The following SLC9A9 variants were observed in gnomAD, a reference collection of about 807,000 sequenced individuals.
SLC9A9 encodes sodium/hydrogen exchanger 9.
Under a neutral mutation model 77.8 loss-of-function variants are expected in SLC9A9, and 62 were observed. The ratio of observed to expected loss-of-function variants is 0.80; its 90% confidence interval spans 0.65 to 0.98. The LOEUF (loss-of-function observed/expected upper bound fraction) is 0.98. Among genes scored for constraint, SLC9A9 ranks in the 50% least tolerant of loss-of-function variants. The probability of loss-of-function intolerance (pLI) is 0.00; values close to 1 mark genes in which losing one functional copy is unlikely to be tolerated. For missense variants in SLC9A9, 775 were observed against 774.9 expected (o/e 1.00, Z 0.00); for synonymous variants, 320 against 283.5 (o/e 1.13, Z -1.29).
At chr3:143,582,920 G>A (rs1168202386) in intron 6 of SLC9A9, among the ~76,000 whole-genome samples, 1 of 152,126 alleles carries the variant, frequency 6.6e-6, no homozygotes, top group East Asian at 1.9e-4. Flanking sequence ...GCCGAGGTGG[G>A]TGGATTTTGA....
At chr3:143,345,981 G>T (rs1184125511) in intron 14 of SLC9A9, among the ~76,000 whole-genome samples, 1 of 152,080 alleles carries the variant, frequency 6.6e-6, no homozygotes, top group African/African-American at 2.4e-5. Context: ...ATAGAAGGAG[G>T]AAAATAAATG....
intron 9 of SLC9A9, among the ~76,000 whole-genome samples, chr3:143,549,380 G>T (rs1224179252): frequency 3.3e-5 from 5 of 152,086 alleles, no homozygotes; most frequent in African/African-American, 1.2e-4. Flanking sequence ...CATAGGCTGT[G>T]TATGTACATA....
intron 4 of SLC9A9, among the ~76,000 whole-genome samples, chr3:143,772,351 A>G (rs983129407): frequency 6.6e-6 from 1 of 152,198 alleles, no homozygotes; most frequent in Non-Finnish European, 1.5e-5. Context: ...TACCCAGCAT[A>G]GTAAAGCATC....
Position 143,351,935 on chromosome 3 carries a change from A to AG in SLC9A9, c.1604+11548dup, listed in dbSNP as rs1280288515. On this transcript the variant is annotated intron_variant, in intron 14 of 15. Coordinates refer to ENST00000316549, the MANE Select transcript of SLC9A9 (RefSeq NM_173653.4). Reference sequence around the variant, plus strand: ...GGCCTGAGGACTTTAGACTAAGAAAAGGGGGAAAAAAAGGAAAAAAAGTTG... The same window carrying AG: ...GGCCTGAGGACTTTAGACTAAGAAAAGGGGGGAAAAAAAGGAAAAAAAGTTG... Among the ~76,000 whole-genome samples the AG allele has an allele frequency of 2.6e-5, 4 of 152,134 alleles. No individual in the cohort carries two copies. The East Asian group carries it at 5.8e-4, about 22-fold the overall frequency.
intron 14 of SLC9A9, among the ~76,000 whole-genome samples, chr3:143,363,133 C>T (rs16846337): frequency 0.037 from 5,678 of 152,260 alleles, 178 homozygotes; most frequent in East Asian, 0.17. Flanking sequence ...ACTGTTCATA[C>T]AATGCCCTCA....
At chr3:143,399,061 T>A (rs1181457157) in intron 12 of SLC9A9, among the ~76,000 whole-genome samples, 1 of 152,132 alleles carries the variant, frequency 6.6e-6, no homozygotes, top group Non-Finnish European at 1.5e-5. Flanking sequence ...ATTTCACTTC[T>A]ATTTTTACTT....
chr3:143,665,229 A>T lies in SLC9A9; in HGVS notation c.650-12869T>A, dbSNP rs75081254. On this transcript the variant is annotated intron_variant, in intron 5 of 15. Transcript: ENST00000316549. ...TGGAAACTAAACAATCTGCTCCTGAATGACTATGGGGTAAATAAAGAAATG... is the reference window on the plus strand; with the variant it reads ...TGGAAACTAAACAATCTGCTCCTGATTGACTATGGGGTAAATAAAGAAATG... 3.5e-4 allele frequency among the ~76,000 whole-genome samples: 54 copies of T among 152,376 alleles called. 1 individual carries two copies. The East Asian group carries it at 0.01, about 29-fold the overall frequency.
At chr3:143,667,773 C>T (rs1448940949) in intron 5 of SLC9A9, among the ~76,000 whole-genome samples, 2 of 152,184 alleles carry the variant, frequency 1.3e-5, no homozygotes, top group African/African-American at 2.4e-5. Context: ...TAAATCAAAA[C>T]CACAATGAGA....
At chr3:143,706,940 G>T (rs992354477) in intron 4 of SLC9A9, among the ~76,000 whole-genome samples, 1 of 152,162 alleles carries the variant, frequency 6.6e-6, no homozygotes, top group Non-Finnish European at 1.5e-5. Context: ...GAAGGGGAAA[G>T]CTGCCTCCAA....
intron 14 of SLC9A9, among the ~76,000 whole-genome samples, chr3:143,336,329 T>C (rs1236937698): frequency 6.6e-6 from 1 of 152,102 alleles, no homozygotes; most frequent in Admixed American, 6.6e-5. Context: ...AAACAGTAAG[T>C]ATGTTCCTCA....
chr3:143,496,320 A>G (rs2035832884), intron 9 of SLC9A9, among the ~76,000 whole-genome samples: 1 of 152,198 alleles, frequency 6.6e-6, no homozygotes, highest in South Asian at 2.1e-4. Context: ...ACTTTATTTT[A>G]TGTTCCAGAC....
chr3:143,434,007 A>G (rs1033002716), intron 12 of SLC9A9, among the ~76,000 whole-genome samples: 1 of 152,106 alleles, frequency 6.6e-6, no homozygotes, highest in Non-Finnish European at 1.5e-5. Flanking sequence ...CCTACCTCTT[A>G]ACTTCATCTC....
chr3:143,331,583 G>A (rs1341109639), intron 14 of SLC9A9, among the ~76,000 whole-genome samples: 1 of 152,154 alleles, frequency 6.6e-6, no homozygotes, highest in Admixed American at 6.5e-5. Context: ...TGTGCCATAT[G>A]GGTGGCAGCA....
intron 5 of SLC9A9, among the ~76,000 whole-genome samples, chr3:143,690,177 T>C (rs954699383): frequency 3.3e-5 from 5 of 151,956 alleles, no homozygotes; most frequent in African/African-American, 1.2e-4. Flanking sequence ...TAACAATATA[T>C]ATATTATACT....
At chr3:143,608,721 A>G (rs2037968494) in intron 6 of SLC9A9, among the ~76,000 whole-genome samples, 1 of 152,232 alleles carries the variant, frequency 6.6e-6, no homozygotes, top group African/African-American at 2.4e-5. Context: ...TTATGGGTAC[A>G]GACAGACATA....
chr3:143,817,634 A>T (rs1214814824), intron 2 of SLC9A9, among the ~76,000 whole-genome samples: 1 of 152,212 alleles, frequency 6.6e-6, no homozygotes, highest in East Asian at 1.9e-4. Flanking sequence ...GATGTGAGAT[A>T]GGGATCTAAT....
Position 143,265,893 on chromosome 3 carries a change from G to T in SLC9A9, c.*809C>A, listed in dbSNP as rs926948599. 36 of 608,054 alleles carry T rather than the reference G, an allele frequency of 5.9e-5. No homozygotes were observed. In the East Asian group the frequency reaches 9.4e-4, roughly 16 times the overall value. 37.7% of individuals were successfully genotyped at this position (608,054 alleles called of 1,614,324 possible). A position where few individuals can be genotyped will look rare whatever the true frequency, so the allele number is the denominator to read the frequency against. On this transcript the variant is annotated 3_prime_UTR_variant, in exon 16 of 16. Transcript: ENST00000316549. ...CTACCCTCCAGCATATCGCGGGGAG[G>T]GGGGGACCTGCTGCACAGCCAAGAA...
At chr3:143,566,796 T>C (rs1360289429) in intron 8 of SLC9A9, among the ~76,000 whole-genome samples, 2 of 152,098 alleles carry the variant, frequency 1.3e-5, no homozygotes, top group Admixed American at 1.3e-4. Flanking sequence ...ATTAGAAATC[T>C]TACTCTTTGG....
At position 143,268,876 on chromosome 3, in the gene SLC9A9, C is replaced by G; in HGVS notation, c.1709G>C (p.Gly570Ala). 3 of 1,611,880 alleles carry G rather than the reference C, an allele frequency of 1.9e-6. No homozygotes were observed. The highest frequency in any genetic ancestry group is 2.5e-6 in the Non-Finnish European group (3 of 1,178,268). Residue 570 changes from glycine (G) to alanine (A), a missense_variant and splice_region_variant, in exon 15 of 16, where the codon GGG (glycine) becomes GCG (alanine). Gly to Ala is a moderately conservative substitution (Grantham distance 60). Transcript: ENST00000316549. ...CCTAGAGGCCTGAGATTTACTTACC[C>G]CATAGGCTTGAGGACTGGTAAGCAG... ...SRLLTSPQAY[G>A]EQLKEDDVEC...
Sources: allele counts gnomAD v4.1 joint callset (sites outside exome capture counted in the v4.1 genomes callset), GRCh38; gene constraint gnomAD v4.1.1; transcripts MANE v1.5; gene names NCBI Gene and HGNC (gene_info 2026-07-23, HGNC 2026-07-21).